The following GABRP variants were observed in gnomAD, a reference collection of about 807,000 sequenced individuals.
The protein encoded by GABRP is gamma-aminobutyric acid type A receptor subunit pi, also known as gamma-aminobutyric acid receptor subunit pi.
Under a neutral mutation model 47.8 loss-of-function variants are expected in GABRP, and 52 were observed. The observed-to-expected ratio is 1.09, with a 90% CI of 0.87 to 1.37. The LOEUF (loss-of-function observed/expected upper bound fraction) is 1.37. GABRP is among the 40% of genes most tolerant of loss of function. GABRP has a pLI of 0.00. For synonymous variants in GABRP, 221 were observed against 205.8 expected, an observed-to-expected ratio of 1.07 and a Z score of -0.63; for missense variants, 525 against 542.8, an observed-to-expected ratio of 0.97 and a Z score of 0.33.
intron 6 of GABRP, among the ~76,000 whole-genome samples, chr5:170,803,762 T>A (rs1204657628): frequency 3.6e-5 from 4 of 110,238 alleles, no homozygotes; most frequent in African/African-American, 1.3e-4. Context: ...GGTTGGTTGG[T>A]TGGTTGGTTG....
chr5:170,800,124 G>T (rs1765551104), intron 6 of GABRP, among the ~76,000 whole-genome samples: 1 of 152,192 alleles, frequency 6.6e-6, no homozygotes, highest in South Asian at 2.1e-4. Context: ...AAACAGCATG[G>T]TACTGGTACC....
Position 170,808,822 on chromosome 5 carries a change from T to C in GABRP, c.832+70T>C, listed in dbSNP as rs927606717. 1.2e-5 allele frequency: 16 copies of C among 1,349,452 alleles called. 1 individual carries two copies. Among genetic ancestry groups the C allele is most frequent in the Non-Finnish European group, 1.5e-5 (14 of 962,688 alleles). 83.6% of individuals were successfully genotyped at this position (1,349,452 alleles called of 1,614,324 possible). A position where few individuals can be genotyped will look rare whatever the true frequency, so the allele number is the denominator to read the frequency against. ...TTACTTACTTTTTTTCCTTTTACCA[T>C]TGTCTTCATTGATATTCCTAAGGCA... On this transcript the variant is annotated intron_variant, in intron 8 of 9. Coordinates refer to ENST00000265294, the MANE Select transcript of GABRP (RefSeq NM_014211.3).
At chr5:170,803,558 C>T (rs886542644) in intron 6 of GABRP, among the ~76,000 whole-genome samples, 3 of 152,006 alleles carry the variant, frequency 2.0e-5, no homozygotes, top group Admixed American at 6.6e-5. Context: ...AGTACATTTC[C>T]GAGTAGTGCA....
chr5:170,793,835 G>A (rs1398514971), intron 3 of GABRP, among the ~76,000 whole-genome samples: 4 of 152,170 alleles, frequency 2.6e-5, no homozygotes, highest in African/African-American at 9.7e-5. Context: ...GGGAGGCTGA[G>A]GCAGGAGAAT....
intron 9 of GABRP, chr5:170,810,127 AT>A (rs1014558350): frequency 4.0e-6 from 2 of 502,528 alleles, no homozygotes; most frequent in Admixed American, 6.8e-5. Flanking sequence ...TTGTTGCATT[AT>A]TTTGTCCTTA....
At chr5:170,789,043 C>A (rs1251839210) in intron 2 of GABRP, 86 bp from the exon 3 acceptor site, 2 of 1,005,084 alleles carry the variant, frequency 2.0e-6, no homozygotes, top group Non-Finnish European at 3.1e-6. Context: ...CCCACACACA[C>A]GTGGGCAAAC....
At chr5:170,785,736 T>A (rs1765113061) in intron 1 of GABRP, among the ~76,000 whole-genome samples, 1 of 152,110 alleles carries the variant, frequency 6.6e-6, no homozygotes, top group Admixed American at 6.5e-5. Flanking sequence ...CCATTTCCTA[T>A]AGGAGGAGGA....
At position 170,789,192 on chromosome 5, in the gene GABRP, T is replaced by C. The variant is rs1401384937; in HGVS notation, c.117T>C (p.Pro39=). 1.9e-6 allele frequency: 3 copies of C among 1,614,104 alleles called. No homozygotes were observed. Among genetic ancestry groups the C allele is most frequent in the Non-Finnish European group, 1.7e-6 (2 of 1,180,038 alleles). The stretch of plus-strand genomic sequence containing the variant: ...GCAGAAGTGACAAGCTTTCCCTGCC[T>C]GGCTTTGAGAACCTCACAGCAGGAT... ...EVGRSDKLSL[P]GFENLTAGYN... Residue 39 remains proline (P), a synonymous_variant, in exon 3 of 10, where the codon CCT becomes CCC. Coordinates refer to ENST00000265294, the MANE Select transcript of GABRP (RefSeq NM_014211.3).
chr5:170,788,223 C>A, intron 1 of GABRP: 1 of 164,928 alleles, frequency 6.1e-6, no homozygotes, highest in Non-Finnish European at 1.3e-5. Flanking sequence ...GTGGTACATG[C>A]CTGTAGTCCC....
In GABRP at chr5:170,794,293, A is replaced by T; in HGVS notation, c.235A>T (p.Asn79Tyr). Residue 79 changes from asparagine to tyrosine, a missense_variant, in exon 4 of 10, where the codon AAC becomes TAC. Coordinates refer to ENST00000265294, the MANE Select transcript of GABRP (RefSeq NM_014211.3). Reference sequence around the variant, plus strand: ...AAGTATCTCTAGCATTTCAGAGAGTAACATGGTAAGCGCTGTTCCTTTGTA... The same window carrying T: ...AAGTATCTCTAGCATTTCAGAGAGTTACATGGTAAGCGCTGTTCCTTTGTA... Reference protein sequence around the residue: ...IASISSISESNMDYTATIYLR... With the variant: ...IASISSISESYMDYTATIYLR... 1 of 1,607,828 alleles carries T rather than the reference A, an allele frequency of 6.2e-7. No homozygotes were observed. Among genetic ancestry groups the T allele is most frequent in the Non-Finnish European group, 8.5e-7 (1 of 1,175,190 alleles).
chr5:170,795,495 G>A, intron 5 of GABRP, 70 bp downstream of exon 5: 2 of 1,306,272 alleles, frequency 1.5e-6, no homozygotes, highest in Non-Finnish European at 2.2e-6. Context: ...TGTGTCTTGG[G>A]TAGTTGTGAC....
chr5:170,794,117 T>G, intron 3 of GABRP, 114 bp from the exon 4 acceptor site: 1 of 581,458 alleles, frequency 1.7e-6, no homozygotes, highest in Non-Finnish European at 2.7e-6. Context: ...ATTTAAATTT[T>G]TCTAACAACC....
chr5:170,808,944 T>G (rs1765810945), intron 8 of GABRP, among the ~76,000 whole-genome samples, 192 bp downstream of exon 8: 1 of 151,490 alleles, frequency 6.6e-6, no homozygotes, highest in African/African-American at 2.4e-5. Context: ...TTGTTGTTGT[T>G]TTTTTTTTGG....
rs367549110 is a variant in GABRP at position 170,784,295 on chromosome 5, A to AGTT, written c.-43+423_-43+425dup. Among the ~76,000 whole-genome samples the AGTT allele has an allele frequency of 4.4e-3, 674 of 152,288 alleles. 8 individuals carry two copies. The highest frequency in any genetic ancestry group is 0.015 in the African/African-American group (637 of 41,564). ...CATAGGAAGGAAGCTGGAGGTGACA[A>AGTT]GTTGGGGTTGGGGGTCACTGTATTT... is the stretch of plus-strand genomic sequence containing the variant. On this transcript the variant is annotated intron_variant, in intron 1 of 9. Coordinates refer to ENST00000265294, the MANE Select transcript of GABRP (RefSeq NM_014211.3).
intron 7 of GABRP, among the ~76,000 whole-genome samples, chr5:170,806,253 C>T (rs148284795): frequency 7.2e-4 from 109 of 152,286 alleles, no homozygotes; most frequent in African/African-American, 2.2e-3. Context: ...CTAATTATTG[C>T]AAACATGGCA....
Position 170,809,708 on chromosome 5 carries a change from G to C in GABRP, c.973G>C (p.Ala325Pro). ...TGTGTTTGGGGCCTTGCTAGAATAT[G>C]CAGTTGCTCACTACAGTTCCTTACA... ...SFVFGALLEYAVAHYSSLQQM... is the reference protein window; with the variant it reads ...SFVFGALLEYPVAHYSSLQQM... The change falls in exon 9 of 10, where the codon GCA (alanine) becomes CCA (proline). Residue 325 changes from alanine (A) to proline (P), a missense_variant. Transcript: ENST00000265294. 1 of 1,611,664 alleles carries C rather than the reference G, an allele frequency of 6.2e-7. No individual in the cohort carries two copies. The highest frequency in any genetic ancestry group is 8.5e-7 in the Non-Finnish European group (1 of 1,178,806).
At chr5:170,789,564 A>G (rs1765211820) in intron 3 of GABRP, among the ~76,000 whole-genome samples, 1 of 152,122 alleles carries the variant, frequency 6.6e-6, no homozygotes, top group African/African-American at 2.4e-5. Flanking sequence ...ATGCGCCACC[A>G]GGCTACCCCA....
At chr5:170,810,540 G>C (rs1420501779) in intron 9 of GABRP, among the ~76,000 whole-genome samples, 3 of 152,184 alleles carry the variant, frequency 2.0e-5, no homozygotes, top group Non-Finnish European at 4.4e-5. Context: ...CACTTGCAGA[G>C]AGCATTAGAC....
intron 6 of GABRP, among the ~76,000 whole-genome samples, chr5:170,800,110 A>G (rs1208285746): frequency 1.3e-5 from 2 of 152,208 alleles, no homozygotes; most frequent in Non-Finnish European, 1.5e-5. Flanking sequence ...GGCTACAGTA[A>G]CCAAAACAGC....
Sources: gnomAD v4.1 joint callset for allele counts (sites outside exome capture counted in the v4.1 genomes callset) on GRCh38, gnomAD v4.1.1 for gene constraint, MANE v1.5 for transcripts, NCBI Gene and HGNC (gene_info 2026-07-23, HGNC 2026-07-21) for gene names.